KRABD5: variants seen among roughly 807,000 people sequenced by gnomAD.
The protein encoded by KRABD5 is KRAB domain containing 5, also known as KRAB domain-containing protein 5.
the KRABD5 span, among the ~76,000 whole-genome samples, chr16:31,737,700 T>C: frequency 6.6e-6 from 1 of 152,188 alleles, no homozygotes; most frequent in Non-Finnish European, 1.5e-5. Flanking sequence ...GCAGACTGTT[T>C]TGAGTACAAT....
the KRABD5 span, among the ~76,000 whole-genome samples, chr16:31,732,201 C>T: frequency 6.6e-6 from 1 of 152,324 alleles, no homozygotes; most frequent in South Asian, 2.1e-4. Context: ...ATCTTGGGCT[C>T]CAGCTGGGTG....
chr16:31,723,382 A>G, the KRABD5 span: 2 of 1,598,048 alleles, frequency 1.3e-6, no homozygotes, highest in Non-Finnish European at 1.7e-6. Context: ...AGTAGATGAC[A>G]TGGGCGAGAG....
the KRABD5 span, chr16:31,723,306 A>G: frequency 1.2e-6 from 2 of 1,613,916 alleles, no homozygotes; most frequent in Non-Finnish European, 1.7e-6. Flanking sequence ...GAGCAAAGGA[A>G]AGAGCCCTGG....
chr16:31,713,323 G>C, the KRABD5 span: 2 of 1,473,628 alleles, frequency 1.4e-6, no homozygotes, highest in Non-Finnish European at 1.9e-6. Flanking sequence ...CCATCTGGGA[G>C]GCCAAGGCGG....
the KRABD5 span, chr16:31,758,234 A>G: frequency 6.6e-6 from 1 of 152,250 alleles, no homozygotes; most frequent in Non-Finnish European, 1.5e-5. Context: ...CCAAGCTCCA[A>G]CAATATGAGC....
the KRABD5 span, among the ~76,000 whole-genome samples, chr16:31,749,933 T>C: frequency 6.6e-6 from 1 of 152,348 alleles, no homozygotes; most frequent in South Asian, 2.1e-4. Flanking sequence ...GCTGTTTTGG[T>C]GACTGTAGGC....
the KRABD5 span, among the ~76,000 whole-genome samples, chr16:31,719,204 G>A: frequency 0.085 from 13,010 of 152,290 alleles, 778 homozygotes; most frequent in Non-Finnish European, 0.13. Context: ...GGTATACAGG[G>A]AACTTGGGCT....
At chr16:31,759,193 G>C in the KRABD5 span, 18 of 660,308 alleles carry the variant, frequency 2.7e-5, no homozygotes, top group South Asian at 3.6e-4. Flanking sequence ...CAACCAAAAT[G>C]TCCATTAATA....
At chr16:31,757,666 GTTA>G in the KRABD5 span, 1 of 152,158 alleles carries the variant, frequency 6.6e-6, no homozygotes, top group Non-Finnish European at 1.5e-5. Context: ...AGTTTTACAT[GTTA>G]TTATATAATA....
the KRABD5 span, among the ~76,000 whole-genome samples, chr16:31,735,602 A>T: frequency 6.6e-6 from 1 of 152,096 alleles, no homozygotes; most frequent in East Asian, 1.9e-4. Flanking sequence ...CTTTTTGATT[A>T]TAGTCATTTT....
chr16:31,753,410 C>T, the KRABD5 span, among the ~76,000 whole-genome samples: 1 of 152,110 alleles, frequency 6.6e-6, no homozygotes. Flanking sequence ...CCAGAATAAC[C>T]CAGAACTTTG....
chr16:31,752,647 CT>C, the KRABD5 span, among the ~76,000 whole-genome samples: 1 of 152,058 alleles, frequency 6.6e-6, no homozygotes, highest in African/African-American at 2.4e-5. Flanking sequence ...TATAGTATTC[CT>C]TGAGGCCAGG....
the KRABD5 span, among the ~76,000 whole-genome samples, chr16:31,736,409 G>GT: frequency 3.7e-4 from 50 of 136,264 alleles, no homozygotes; most frequent in Middle Eastern, 3.9e-3. Flanking sequence ...TGTACATTTA[G>GT]TTTTTTTTTT....
the KRABD5 span, chr16:31,733,564 C>T: frequency 2.2e-6 from 1 of 456,120 alleles, no homozygotes; most frequent in Non-Finnish European, 4.4e-6. Flanking sequence ...CACTTCTCTC[C>T]AGCTCCTGAA....
the KRABD5 span, among the ~76,000 whole-genome samples, chr16:31,753,098 T>G: frequency 2.0e-5 from 3 of 152,184 alleles, no homozygotes; most frequent in African/African-American, 7.2e-5. Flanking sequence ...AATTTGTACA[T>G]GTGAAAACTG....
the KRABD5 span, among the ~76,000 whole-genome samples, chr16:31,724,168 T>A: frequency 6.6e-6 from 1 of 152,192 alleles, no homozygotes; most frequent in Admixed American, 6.5e-5. Context: ...TTAATGAGAA[T>A]GTGTTCTTTA....
At chr16:31,755,937 G>A in the KRABD5 span, 1 of 166,086 alleles carries the variant, frequency 6.0e-6, no homozygotes, top group Non-Finnish European at 1.3e-5. Flanking sequence ...TTACTCTAAA[G>A]CCAAAGCAGT....
chr16:31,753,927 T>C, the KRABD5 span: 1 of 1,551,172 alleles, frequency 6.4e-7, no homozygotes. Flanking sequence ...CAATGGATAT[T>C]ATGATGGACA....
chr16:31,739,420 A>G, the KRABD5 span, among the ~76,000 whole-genome samples: 1 of 151,958 alleles, frequency 6.6e-6, no homozygotes, highest in African/African-American at 2.4e-5. Context: ...TCTGCTGGTC[A>G]TCCTAGGAAT....
Sources: gnomAD v4.1 joint callset for allele counts (sites outside exome capture counted in the v4.1 genomes callset) on GRCh38, gnomAD v4.1.1 for gene constraint, MANE v1.5 for transcripts, NCBI Gene and HGNC (gene_info 2026-07-23, HGNC 2026-07-21) for gene names.